Variants in RAB7A observed in about 807,000 individuals in gnomAD.
The protein encoded by RAB7A is RAB7A, member RAS oncogene family.
A neutral mutation model predicts 24.5 loss-of-function variants in RAB7A; 2 were observed. That is an observed-to-expected ratio of 0.08 (90% CI 0.03 to 0.26). The LOEUF (loss-of-function observed/expected upper bound fraction) is 0.26. RAB7A is among the 10% of genes least tolerant of loss of function. The probability of loss-of-function intolerance (pLI) is 1.00; values close to 1 mark genes in which losing one functional copy is unlikely to be tolerated. For synonymous variants in RAB7A, 100 were observed against 95.9 expected (o/e 1.04, Z -0.25); for missense variants, 118 against 255.7 (o/e 0.46, Z 3.67).
intron 1 of RAB7A, among the ~76,000 whole-genome samples, chr3:128,766,043 T>C (rs1171976820): frequency 6.6e-6 from 1 of 152,178 alleles, no homozygotes; most frequent in Non-Finnish European, 1.5e-5. Flanking sequence ...ATTACAGGCA[T>C]GAGCCACCAC....
At chr3:128,737,838 T>G (rs1426899441) in intron 1 of RAB7A, among the ~76,000 whole-genome samples, 3 of 102,856 alleles carry the variant, frequency 2.9e-5, no homozygotes, top group African/African-American at 1.4e-4. Context: ...TTTTTTTTTT[T>G]TTTTTTTTTT....
intron 2 of RAB7A, 148 bp from the exon 3 acceptor site, chr3:128,797,795 C>G: frequency 4.8e-6 from 4 of 836,974 alleles, no homozygotes; most frequent in Non-Finnish European, 7.9e-6. Flanking sequence ...AAGTGTAATG[C>G]TCGGAAGGCT....
chr3:128,782,104 G>C (rs1164751983), intron 1 of RAB7A, among the ~76,000 whole-genome samples: 1 of 152,170 alleles, frequency 6.6e-6, no homozygotes, highest in African/African-American at 2.4e-5. Context: ...TCTTTCCCCA[G>C]TGTTCAGTAT....
At chr3:128,756,828 C>T (rs1032703072) in intron 1 of RAB7A, among the ~76,000 whole-genome samples, 7 of 151,720 alleles carry the variant, frequency 4.6e-5, no homozygotes, top group Non-Finnish European at 1.0e-4. Flanking sequence ...GGGTTTTTCA[C>T]CTTAGTATTC....
chr3:128,795,688 G>GC (rs1279403693), intron 2 of RAB7A, among the ~76,000 whole-genome samples: 1 of 149,918 alleles, frequency 6.7e-6, no homozygotes. Context: ...CTCCAAGCTG[G>GC]CCAGGCTGGG....
At chr3:128,739,152 TGGTA>T (rs2070523525) in intron 1 of RAB7A, among the ~76,000 whole-genome samples, 1 of 152,212 alleles carries the variant, frequency 6.6e-6, no homozygotes, top group Admixed American at 6.5e-5. Context: ...CAAGAGGCAC[TGGTA>T]GGCAGTTAGA....
At chr3:128,796,072 C>T (rs1348203468) in intron 2 of RAB7A, among the ~76,000 whole-genome samples, 1 of 152,058 alleles carries the variant, frequency 6.6e-6, no homozygotes, top group Non-Finnish European at 1.5e-5. Context: ...TCTTAGTGCA[C>T]CATACAGTAT....
At chr3:128,762,879 C>T (rs1468176060) in intron 1 of RAB7A, among the ~76,000 whole-genome samples, 2 of 152,164 alleles carry the variant, frequency 1.3e-5, no homozygotes, top group East Asian at 3.9e-4. Context: ...CACTCTCCTA[C>T]CTACTTTCAA....
At chr3:128,737,338 CTTTT>C (rs34916629) in intron 1 of RAB7A, among the ~76,000 whole-genome samples, 3 of 90,024 alleles carry the variant, frequency 3.3e-5, no homozygotes, top group Admixed American at 1.4e-4. Flanking sequence ...CGCTCCCGGC[CTTTT>C]TTTTTTTTTT....
intron 5 of RAB7A, among the ~76,000 whole-genome samples, chr3:128,809,817 A>G (rs1933881565): frequency 6.7e-6 from 1 of 149,218 alleles, no homozygotes; most frequent in Non-Finnish European, 1.5e-5. Flanking sequence ...AAATGCTCGT[A>G]TGTGCTGGGA....
rs3830294 is a variant in RAB7A, at chr3:128,813,585, TCACACACACACACA to T, written c.*167_*180del. On this transcript the variant is annotated 3_prime_UTR_variant, in exon 6 of 6. Transcript: ENST00000265062. Reference sequence around the variant, plus strand: ...AACACAGTTACACCCCACATATCTCTCACACACACACACACACGCACACACACACACACAGATCT... The same window carrying T: ...AACACAGTTACACCCCACATATCTCTCACGCACACACACACACACAGATCT... 1.8e-4 allele frequency: 114 copies of T among 630,266 alleles called. No homozygotes were observed. The highest frequency in any genetic ancestry group is 1.5e-3 in the South Asian group (90 of 62,028). The allele number at this position is 630,266 out of a possible 1,614,324, so 39.0% of individuals were successfully genotyped here.
Position 128,813,384 on chromosome 3 carries a change from G to T in RAB7A, c.586G>T (p.Asp196Tyr). ...TGAACCTATCAAACTGGACAAGAAT[G>T]ACCGGGCCAAGGCCTCGGCAGAAAG... Reference protein sequence around the residue: ...FPEPIKLDKNDRAKASAESCS... With the variant: ...FPEPIKLDKNYRAKASAESCS... The change falls in exon 6 of 6, where the codon GAC (aspartate) becomes TAC (tyrosine). Residue 196 changes from aspartate (D) to tyrosine (Y), a missense_variant. Physicochemically the swap from Asp to Tyr is radical, Grantham distance 160 (BLOSUM62 -3). Around this residue, in one of 2 missense-constraint regions of RAB7A, gnomAD observed 66 missense variants for 82.2 expected, o/e 0.80. Coordinates refer to ENST00000265062, the MANE Select transcript of RAB7A (RefSeq NM_004637.6). 6.2e-7 allele frequency: 1 copy of T among 1,614,178 alleles called. No individual in the cohort carries two copies. Among genetic ancestry groups the T allele is most frequent in the South Asian group, 1.1e-5 (1 of 91,034 alleles).
intron 3 of RAB7A, chr3:128,798,818 AT>A (rs139653746): frequency 0.069 from 12,546 of 181,104 alleles, 536 homozygotes; most frequent in Admixed American, 0.11. Context: ...CTGTCTCTAA[AT>A]TTAAAAAAAA....
At chr3:128,733,755 C>T (rs34900439) in intron 1 of RAB7A, among the ~76,000 whole-genome samples, 24,722 of 152,146 alleles carry the variant, frequency 0.16, 2,450 homozygotes, top group South Asian at 0.3. Context: ...TTTAAAGGCC[C>T]TGTCTGCAAA....
rs537962048 is a variant in RAB7A, at chr3:128,793,179, A to G, written c.-8-2181A>G. ...GCTGGGACTACAGGCACATGCCACC[A>G]CGCCCAGCTAATTTTTCATATTTAG... On this transcript the variant is annotated intron_variant, in intron 1 of 5. Coordinates refer to ENST00000265062, the MANE Select transcript of RAB7A (RefSeq NM_004637.6). Among the ~76,000 whole-genome samples the G allele has an allele frequency of 4.5e-4, 66 of 147,464 alleles. 1 individual carries two copies. Among genetic ancestry groups the G allele is most frequent in the Admixed American group, 2.6e-3 (38 of 14,738 alleles).
chr3:128,730,808 G>C (rs2070429102), intron 1 of RAB7A, among the ~76,000 whole-genome samples: 1 of 152,174 alleles, frequency 6.6e-6, no homozygotes, highest in East Asian at 1.9e-4. Context: ...CTTAACTCAT[G>C]GGGCCTGGAG....
intron 1 of RAB7A, among the ~76,000 whole-genome samples, chr3:128,729,615 C>T (rs943136205): frequency 6.7e-6 from 1 of 149,676 alleles, no homozygotes; most frequent in Non-Finnish European, 1.5e-5. Context: ...TCACTAATAA[C>T]GTTTTTGCTC....
intron 1 of RAB7A, among the ~76,000 whole-genome samples, chr3:128,785,878 C>G (rs1021583708): frequency 7.2e-5 from 11 of 151,968 alleles, no homozygotes; most frequent in Admixed American, 6.6e-4. Context: ...TTTTCAAAGG[C>G]TTCTGTCTTT....
At chr3:128,770,544 C>T (rs1267774628) in intron 1 of RAB7A, among the ~76,000 whole-genome samples, 11 of 152,086 alleles carry the variant, frequency 7.2e-5, no homozygotes, top group Admixed American at 2.6e-4. Context: ...AAGTTTATAA[C>T]GTGTCTCACC....
Sources: allele counts gnomAD v4.1 joint callset (sites outside exome capture counted in the v4.1 genomes callset), GRCh38; gene constraint gnomAD v4.1.1; regional missense constraint gnomAD v4.1.1; transcripts MANE v1.5; gene names NCBI Gene and HGNC (gene_info 2026-07-23, HGNC 2026-07-21).